AFAP1L1: variants seen among roughly 807,000 people sequenced by gnomAD.
AFAP1L1 encodes actin filament associated protein 1 like 1, also known as actin filament-associated protein 1-like 1.
A neutral mutation model predicts 99.8 loss-of-function variants in AFAP1L1; 77 were observed. The observed-to-expected ratio is 0.77, with a 90% CI of 0.64 to 0.93. AFAP1L1 has a LOEUF of 0.93. Ranked by LOEUF, AFAP1L1 falls within the 40% of genes least tolerant of loss-of-function variation. The probability of loss-of-function intolerance (pLI) is 0.00; values close to 1 mark genes in which losing one functional copy is unlikely to be tolerated. For missense variants in AFAP1L1, 893 were observed against 996.8 expected (o/e 0.90, Z 1.40); for synonymous variants, 373 against 395.3 (o/e 0.94, Z 0.67).
chr5:149,316,409 G>A, intron 11 of AFAP1L1, 106 bp downstream of exon 11: 2 of 1,403,660 alleles, frequency 1.4e-6, no homozygotes, highest in South Asian at 2.7e-5. Context: ...CCCCAGGGCA[G>A]GGGAGGGAAT....
In AFAP1L1 at chr5:149,341,558, C is replaced by G. The variant is rs987533124; in HGVS notation, c.*1528C>G. 1.3e-5 allele frequency: 2 copies of G among 152,174 alleles called. No homozygotes were observed. Among genetic ancestry groups the G allele is most frequent in the Non-Finnish European group, 2.9e-5 (2 of 68,042 alleles). 9.4% of individuals were successfully genotyped at this position (152,174 alleles called of 1,614,324 possible). On this transcript the variant is annotated 3_prime_UTR_variant, in exon 19 of 19. Coordinates refer to ENST00000296721, the MANE Select transcript of AFAP1L1 (RefSeq NM_152406.4). ...TAATAAGATAATATATAGTAGGCAT[C>G]TTGCATAGTGTCTGAGAAATAAGAA...
rs1387879139 is a variant in AFAP1L1 at position 149,343,115 on chromosome 5, C to T, written c.*3085C>T. On this transcript the variant is annotated 3_prime_UTR_variant, in exon 19 of 19. Transcript: ENST00000296721. ...CATAATACCTCCCTAAACCATATCA[C>T]CCTTTTCATAAGGCCAAAAAGAAAA... is the stretch of plus-strand genomic sequence containing the variant. Among the ~76,000 whole-genome samples, 4 of 152,144 alleles carry T rather than the reference C, an allele frequency of 2.6e-5. No individual in the cohort carries two copies. Among genetic ancestry groups the T allele is most frequent in the Non-Finnish European group, 5.9e-5 (4 of 68,034 alleles).
intron 1 of AFAP1L1, among the ~76,000 whole-genome samples, chr5:149,294,614 T>G (rs77470604): frequency 6.6e-6 from 1 of 152,232 alleles, no homozygotes. Context: ...ATTTTTTTTC[T>G]ATGAGATCTT....
chr5:149,327,017 G>A (rs370166999), intron 15 of AFAP1L1, among the ~76,000 whole-genome samples: 8 of 152,186 alleles, frequency 5.3e-5, no homozygotes, highest in South Asian at 2.1e-4. Context: ...ATATATTCTC[G>A]AAAATGACCA....
At chr5:149,308,355 A>C (rs1167636001) in intron 7 of AFAP1L1, among the ~76,000 whole-genome samples, 1 of 152,158 alleles carries the variant, frequency 6.6e-6, no homozygotes, top group East Asian at 1.9e-4. Flanking sequence ...AGAGATAACC[A>C]CTATTGTAAT....
chr5:149,322,680 T>C lies in AFAP1L1; in HGVS notation c.1773T>C (p.Arg591=). 1.3e-6 allele frequency: 2 copies of C among 1,594,086 alleles called. No individual in the cohort carries two copies. Among genetic ancestry groups the C allele is most frequent in the South Asian group, 1.1e-5 (1 of 87,610 alleles). ...CCTCCTGCAGTGAGAAGTCCCATCG[T>C]GTGGACCCGCAGGTCAAAGTCAAAC... ...HASSCSEKSH[R]VDPQVKVKRH... is the part of the protein sequence containing the mutation. The change falls in exon 15 of 19, where the codon CGT becomes CGC. Residue 591 remains arginine (R), a synonymous_variant. Transcript: ENST00000296721.
At chr5:149,307,811 C>CCTTTCTTTCTCTCTCT (rs1756470519) in intron 7 of AFAP1L1, among the ~76,000 whole-genome samples, 198 bp downstream of exon 7, 2 of 21,116 alleles carry the variant, frequency 9.5e-5, no homozygotes, top group African/African-American at 2.9e-4. Flanking sequence ...ACACCCTGTG[C>CCTTTCTTTCTCTCTCT]CTCTCTTTCT....
At chr5:149,317,203 A>C (rs1292791319) in intron 11 of AFAP1L1, among the ~76,000 whole-genome samples, 3 of 152,192 alleles carry the variant, frequency 2.0e-5, no homozygotes, top group African/African-American at 7.2e-5. Context: ...GCTACAAAGA[A>C]ATATTTTGTA....
At chr5:149,307,025 C>T (rs1446725052) in intron 6 of AFAP1L1, among the ~76,000 whole-genome samples, 1 of 151,942 alleles carries the variant, frequency 6.6e-6, no homozygotes, top group South Asian at 2.1e-4. Flanking sequence ...GGCAGGTGGA[C>T]CCCCTGAGGT....
Position 149,289,795 on chromosome 5 carries a change from G to A in AFAP1L1, c.17-9714G>A, listed in dbSNP as rs577175415. On this transcript the variant is annotated intron_variant, in intron 1 of 18. Coordinates refer to ENST00000296721, the MANE Select transcript of AFAP1L1 (RefSeq NM_152406.4). ...CCTGAGGAGCTGGTGACCGCTCTGC[G>A]GAGTAAACCCAGAGCTGGACACAGA... Among the ~76,000 whole-genome samples, 76 of 152,320 alleles carry A rather than the reference G, an allele frequency of 5.0e-4. 1 individual carries two copies. The South Asian group carries it at 8.7e-3, about 17-fold the overall frequency.
intron 5 of AFAP1L1, 126 bp from the exon 6 acceptor site, chr5:149,306,180 G>T (rs1178621033): frequency 1.4e-5 from 10 of 710,010 alleles, no homozygotes; most frequent in Non-Finnish European, 2.1e-5. Context: ...ACCCTGGCCT[G>T]AGCTGCTCAG....
intron 18 of AFAP1L1, among the ~76,000 whole-genome samples, chr5:149,336,885 A>C (rs1395101989): frequency 1.3e-5 from 2 of 152,210 alleles, no homozygotes; most frequent in Non-Finnish European, 2.9e-5. Context: ...CAGGACCTGA[A>C]AAACAAATGC....
chr5:149,289,542 G>A (rs774789638), intron 1 of AFAP1L1, among the ~76,000 whole-genome samples: 1 of 151,972 alleles, frequency 6.6e-6, no homozygotes, highest in Admixed American at 6.6e-5. Flanking sequence ...GGAAGTGTTT[G>A]TCTTAGTGAT....
intron 1 of AFAP1L1, among the ~76,000 whole-genome samples, chr5:149,291,519 C>T (rs536183757): frequency 2.3e-4 from 21 of 90,996 alleles, no homozygotes; most frequent in African/African-American, 8.3e-4. Context: ...AGCGTGACTC[C>T]GTCTCAAAAA....
chr5:149,299,048 C>T (rs901975697), intron 1 of AFAP1L1, among the ~76,000 whole-genome samples: 1 of 152,222 alleles, frequency 6.6e-6, no homozygotes, highest in Non-Finnish European at 1.5e-5. Context: ...GATTGAAGCA[C>T]ATGAACTGAT....
chr5:149,276,504 C>T (rs1755330912), intron 1 of AFAP1L1, among the ~76,000 whole-genome samples: 1 of 152,220 alleles, frequency 6.6e-6, no homozygotes, highest in Non-Finnish European at 1.5e-5. Context: ...AGCTCTCTGT[C>T]CCTGTCTACC....
At chr5:149,281,124 C>G (rs766312475) in intron 1 of AFAP1L1, among the ~76,000 whole-genome samples, 1 of 152,192 alleles carries the variant, frequency 6.6e-6, no homozygotes, top group Non-Finnish European at 1.5e-5. Flanking sequence ...TACACGCTGT[C>G]ACTTAGCAGT....
At position 149,340,271 on chromosome 5, in the gene AFAP1L1, A is replaced by G; in HGVS notation, c.*241A>G. ...TTACAAAGGGTGGAAATGAGGATGG[A>G]GGGATACAGAAGTCTGCACAGCTGT... On this transcript the variant is annotated 3_prime_UTR_variant, in exon 19 of 19. Transcript: ENST00000296721. The G allele has an allele frequency of 2.0e-6, 1 of 508,310 alleles. No homozygotes were observed. Among genetic ancestry groups the G allele is most frequent in the South Asian group, 2.7e-5 (1 of 36,668 alleles). The allele number at this position is 508,310 out of a possible 1,614,324, so 31.5% of individuals were successfully genotyped here. A position where few individuals can be genotyped will look rare whatever the true frequency, so the allele number is the denominator to read the frequency against.
intron 8 of AFAP1L1, among the ~76,000 whole-genome samples, chr5:149,311,319 C>A (rs1198591446): frequency 1.3e-5 from 2 of 152,204 alleles, no homozygotes; most frequent in Non-Finnish European, 2.9e-5. Context: ...GTTGGGTCGG[C>A]AGACGAATCC....
Sources: allele counts gnomAD v4.1 joint callset (sites outside exome capture counted in the v4.1 genomes callset), GRCh38; gene constraint gnomAD v4.1.1; transcripts MANE v1.5; gene names NCBI Gene and HGNC (gene_info 2026-07-23, HGNC 2026-07-21).